The following FGFRL1 variants were observed in gnomAD, a reference collection of about 807,000 sequenced individuals.
FGFRL1 encodes the protein fibroblast growth factor receptor like 1.
A neutral mutation model predicts 36.8 loss-of-function variants in FGFRL1; 24 were observed. That is an observed-to-expected ratio of 0.65 (90% confidence interval 0.47 to 0.92). The LOEUF (loss-of-function observed/expected upper bound fraction) is 0.92, where lower values mean the gene tolerates loss of function less well. Ranked by LOEUF, FGFRL1 falls within the 40% of genes least tolerant of loss-of-function variation. The pLI, the probability that FGFRL1 is intolerant of heterozygous loss-of-function variation, is 0.00. For synonymous variants in FGFRL1, 422 were observed against 344.1 expected (o/e 1.23, Z -2.50); for missense variants, 785 against 753.4 (o/e 1.04, Z -0.49).
At chr4:1,015,108 G>C (rs1212712206) in intron 2 of FGFRL1, among the ~76,000 whole-genome samples, 3 of 152,196 alleles carry the variant, frequency 2.0e-5, no homozygotes, top group African/African-American at 7.2e-5. Context: ...GCCGTGCTGG[G>C]AGAGGCGGGC....
intron 2 of FGFRL1, among the ~76,000 whole-genome samples, chr4:1,014,066 C>T (rs1577556245): frequency 6.6e-6 from 1 of 152,198 alleles, no homozygotes; most frequent in African/African-American, 2.4e-5. Flanking sequence ...GAGGTCCATC[C>T]AAGTGTGTTT....
intron 2 of FGFRL1, among the ~76,000 whole-genome samples, chr4:1,016,175 A>G (rs1279332709): frequency 6.6e-6 from 1 of 152,106 alleles, no homozygotes; most frequent in Non-Finnish European, 1.5e-5. Flanking sequence ...CTGGCAGGGG[A>G]CAGAGCATCA....
intron 2 of FGFRL1, among the ~76,000 whole-genome samples, chr4:1,021,406 G>A (rs996108763): frequency 2.5e-4 from 38 of 152,084 alleles, no homozygotes; most frequent in African/African-American, 7.2e-4. Context: ...GGCAGTGCCC[G>A]TGGTCAGCCC....
rs750441451 is a variant in FGFRL1, at chr4:1,022,504, G to A, written c.352+29G>A. The A allele has an allele frequency of 1.9e-6, 3 of 1,561,458 alleles. No homozygotes were observed. The South Asian group carries it at 3.6e-5, about 19-fold the overall frequency. On this transcript the variant is annotated intron_variant, in intron 3 of 6. Coordinates refer to ENST00000510644, the MANE Select transcript of FGFRL1 (RefSeq NM_001004356.3). ...AGTCGCTGCTGCGGTCAGAGGTCAT[G>A]GGCTGGGTTGGAGCCAGGCAGGGGT...
intron 2 of FGFRL1, among the ~76,000 whole-genome samples, chr4:1,020,576 C>T (rs1034679338): frequency 6.7e-6 from 1 of 149,150 alleles, no homozygotes; most frequent in African/African-American, 2.5e-5. Flanking sequence ...AGAACCCTGG[C>T]CCTGCCTTCC....
At position 1,024,360 on chromosome 4, in the gene FGFRL1, G is replaced by A. The variant is rs780767290; in HGVS notation, c.768G>A (p.Thr256=). 1.2e-5 allele frequency: 19 copies of A among 1,611,996 alleles called. No homozygotes were observed. The Admixed American group carries it at 1.8e-4, about 16-fold the overall frequency. The change falls in exon 6 of 7, where the codon ACG becomes ACA. Residue 256 remains threonine (T), a synonymous_variant. Transcript: ENST00000510644. ...PVLTGTHPVN[T]TVDFGGTTSF... ...TCACAGGCACGCACCCCGTGAACAC[G>A]ACGGTGGACTTCGGGGGGACCACGT...
At position 1,024,938 on chromosome 4, in the gene FGFRL1, C is replaced by A; in HGVS notation, c.1106C>A (p.Ser369Ter). The A allele has an allele frequency of 6.2e-7, 1 of 1,602,244 alleles. No individual in the cohort carries two copies. Among genetic ancestry groups the A allele is most frequent in the Non-Finnish European group, 8.5e-7 (1 of 1,176,902 alleles). ...CCGCCAGGGCCACCTGTGGCCTCCT[C>A]GTCCTCGGCCACTAGCCTGCCGTGG... is the stretch of plus-strand genomic sequence containing the variant. ...PKPPGPPVAS[S>*]SSATSLPWPV... The change falls in exon 7 of 7, where the codon TCG becomes TAG. Residue 369 changes from serine (S) to a stop codon, truncating the protein, a stop_gained. Transcript: ENST00000510644. LOFTEE classifies it low-confidence loss of function (END_TRUNC).
chr4:1,013,055 A>C (rs933357264), intron 2 of FGFRL1, among the ~76,000 whole-genome samples: 2 of 152,132 alleles, frequency 1.3e-5, no homozygotes, highest in African/African-American at 2.4e-5. Flanking sequence ...CCCCCAGCCG[A>C]CCTAGCCGTG....
chr4:1,014,733 C>T (rs547335167), intron 2 of FGFRL1, among the ~76,000 whole-genome samples: 4 of 152,360 alleles, frequency 2.6e-5, no homozygotes, highest in Non-Finnish European at 5.9e-5. Flanking sequence ...CGGGCAGTGG[C>T]TGGCCCGTGT....
In FGFRL1 at chr4:1,026,652, GA is replaced by G. The variant is rs1716555193; in HGVS notation, c.*1308del. On this transcript the variant is annotated 3_prime_UTR_variant, in exon 7 of 7. Coordinates refer to ENST00000510644, the MANE Select transcript of FGFRL1 (RefSeq NM_001004356.3). ...AAGGGGCCTTGGTATTTATATTTAAGAAATGAAGATAATATTAATAATGATG... is the reference window on the plus strand; with the variant it reads ...AAGGGGCCTTGGTATTTATATTTAAGAATGAAGATAATATTAATAATGATG... 1 of 296,638 alleles carries G rather than the reference GA, an allele frequency of 3.4e-6. No homozygotes were observed. Among genetic ancestry groups the G allele is most frequent in the Non-Finnish European group, 6.6e-6 (1 of 152,140 alleles). 18.4% of individuals were successfully genotyped at this position (296,638 alleles called of 1,614,324 possible).
intron 2 of FGFRL1, among the ~76,000 whole-genome samples, chr4:1,018,899 T>G (rs1577562208): frequency 2.7e-5 from 4 of 147,176 alleles, no homozygotes; most frequent in Non-Finnish European, 6.1e-5. Flanking sequence ...CAGGTGGGGG[T>G]GGGATAGGCC....
intron 2 of FGFRL1, among the ~76,000 whole-genome samples, chr4:1,019,575 T>G (rs1319101392): frequency 6.6e-6 from 1 of 152,098 alleles, no homozygotes; most frequent in Non-Finnish European, 1.5e-5. Flanking sequence ...GAGGCCCCAG[T>G]GCTGTGGGCC....
Position 1,022,329 on chromosome 4 carries a change from C to T in FGFRL1, c.206C>T (p.Thr69Ile). ...ACCATGTGGACCAAGGATGGCCGCACCATCCACAGCGGCTGGAGCCGCTTC... is the reference window on the plus strand; with the variant it reads ...ACCATGTGGACCAAGGATGGCCGCATCATCCACAGCGGCTGGAGCCGCTTC... ...PLTMWTKDGR[T>I]IHSGWSRFRV... The change falls in exon 3 of 7, where the codon ACC becomes ATC. Residue 69 changes from threonine (T) to isoleucine (I), a missense_variant. By Grantham distance (89) the Thr-to-Ile change is moderately conservative (BLOSUM62 -1). Coordinates refer to ENST00000510644, the MANE Select transcript of FGFRL1 (RefSeq NM_001004356.3). 2 of 1,603,132 alleles carry T rather than the reference C, an allele frequency of 1.2e-6. No homozygotes were observed. The highest frequency in any genetic ancestry group is 1.3e-5 in the African/African-American group (1 of 74,852).
intron 2 of FGFRL1, among the ~76,000 whole-genome samples, chr4:1,017,726 C>A (rs1310264470): frequency 1.3e-5 from 2 of 152,200 alleles, no homozygotes; most frequent in African/African-American, 4.8e-5. Flanking sequence ...TGTGTCCCTG[C>A]CTGGGTGTCT....
chr4:1,013,643 G>A (rs1715731481), intron 2 of FGFRL1, among the ~76,000 whole-genome samples: 1 of 152,264 alleles, frequency 6.6e-6, no homozygotes, highest in South Asian at 2.1e-4. Context: ...CCCCTACCAT[G>A]GCCAGCGGCC....
chr4:1,011,658 T>TCGCGG lies in FGFRL1; in HGVS notation c.-304_-300dup, dbSNP rs1343563446. Among the ~76,000 whole-genome samples the TCGCGG allele has an allele frequency of 7.6e-6, 1 of 130,960 alleles. No homozygotes were observed. Among genetic ancestry groups the TCGCGG allele is most frequent in the Non-Finnish European group, 1.6e-5 (1 of 60,790 alleles). The allele number at this position is 130,960 out of a possible 152,430, so 85.9% of individuals were successfully genotyped here. A position where few individuals can be genotyped will look rare whatever the true frequency, so the allele number is the denominator to read the frequency against. ...ACAAAGCCCCGCAGGGAAGGACGCCTCGCGGCGCGGCGCCCCGGGCCCCTC... is the reference window on the plus strand; with the variant it reads ...ACAAAGCCCCGCAGGGAAGGACGCCTCGCGGCGCGGCGCGGCGCCCCGGGCCCCTC... On this transcript the variant is annotated 5_prime_UTR_variant, in exon 1 of 7. Transcript: ENST00000510644.
In FGFRL1 at chr4:1,026,763, C is replaced by T. The variant is rs1716562030; in HGVS notation, c.*1416C>T. On this transcript the variant is annotated 3_prime_UTR_variant, in exon 7 of 7. Coordinates refer to ENST00000510644, the MANE Select transcript of FGFRL1 (RefSeq NM_001004356.3). ...TTTCAGCCATGCTGATGACCACACCCCGTCCAGGCCAGACACCACCCCCCA... is the reference window on the plus strand; with the variant it reads ...TTTCAGCCATGCTGATGACCACACCTCGTCCAGGCCAGACACCACCCCCCA... 2 of 443,286 alleles carry T rather than the reference C, an allele frequency of 4.5e-6. No individual in the cohort carries two copies. Among genetic ancestry groups the T allele is most frequent in the Non-Finnish European group, 9.1e-6 (2 of 220,248 alleles). 27.5% of individuals were successfully genotyped at this position (443,286 alleles called of 1,614,324 possible). A position where few individuals can be genotyped will look rare whatever the true frequency, so the allele number is the denominator to read the frequency against.
At position 1,024,681 on chromosome 4, in the gene FGFRL1, C is replaced by T; in HGVS notation, c.1072+17C>T. 6.3e-7 allele frequency: 1 copy of T among 1,579,808 alleles called. No homozygotes were observed. Reference sequence around the variant, plus strand: ...TGCTGCCAGGTGCGCGGCTGCCACGCCACGCCACACCATGCTGGTGCCCGG... The same window carrying T: ...TGCTGCCAGGTGCGCGGCTGCCACGTCACGCCACACCATGCTGGTGCCCGG... On this transcript the variant is annotated intron_variant, in intron 6 of 6. Coordinates refer to ENST00000510644, the MANE Select transcript of FGFRL1 (RefSeq NM_001004356.3).
At position 1,023,171 on chromosome 4, in the gene FGFRL1, G is replaced by A. The variant is rs1716289909; in HGVS notation, c.353-470G>A. On this transcript the variant is annotated intron_variant, in intron 3 of 6. Transcript: ENST00000510644. The surrounding 1 kb of genome is among the most constrained non-coding windows in gnomAD (Gnocchi z 6.0). ...GAGCGGCTGTCACAGGGTGGATGGA[G>A]GGGACATTCCACAGCACGCCCTGCC... Among the ~76,000 whole-genome samples the A allele has an allele frequency of 6.6e-6, 1 of 152,176 alleles. No homozygotes were observed. Among genetic ancestry groups the A allele is most frequent in the Admixed American group, 6.5e-5 (1 of 15,292 alleles).
Sources: allele counts gnomAD v4.1 joint callset (sites outside exome capture counted in the v4.1 genomes callset), GRCh38; gene constraint gnomAD v4.1.1; non-coding constraint Gnocchi (gnomAD v3.1); transcripts MANE v1.5; gene names NCBI Gene and HGNC (gene_info 2026-07-23, HGNC 2026-07-21).